The following DOCK2 variants were observed in gnomAD, a reference collection of about 807,000 sequenced individuals.
The protein encoded by DOCK2 is dedicator of cytokinesis protein 2.
In DOCK2, 87 loss-of-function variants were observed where a neutral mutation model predicts 248.9. The observed-to-expected ratio is 0.35, with a 90% CI of 0.29 to 0.42. DOCK2 has a LOEUF of 0.42. Ranked by LOEUF, DOCK2 falls within the 10% of genes least tolerant of loss-of-function variation. DOCK2 has a pLI of 1.00. For missense variants in DOCK2, 1,747 were observed against 2,300.2 expected, an observed-to-expected ratio of 0.76 and a Z score of 4.92; for synonymous variants, 805 against 821.6, an observed-to-expected ratio of 0.98 and a Z score of 0.35.
intron 27 of DOCK2, among the ~76,000 whole-genome samples, chr5:169,890,602 A>G (rs1269860207): frequency 6.6e-6 from 1 of 152,170 alleles, no homozygotes; most frequent in East Asian, 1.9e-4. Flanking sequence ...CTAAATCTAC[A>G]TTCTGTTGTA....
At chr5:170,021,782 C>A (rs1755737779) in intron 33 of DOCK2, among the ~76,000 whole-genome samples, 1 of 152,094 alleles carries the variant, frequency 6.6e-6, no homozygotes, top group Non-Finnish European at 1.5e-5. Flanking sequence ...CCGGCCCAGG[C>A]ATGGTTTTTG....
At chr5:169,816,027 T>A (rs770437042) in intron 26 of DOCK2, among the ~76,000 whole-genome samples, 5 of 152,168 alleles carry the variant, frequency 3.3e-5, no homozygotes, top group Non-Finnish European at 7.3e-5. Flanking sequence ...TTGCATAGTG[T>A]TTGAATTAAA....
At chr5:169,971,573 T>A (rs1004122667) in intron 27 of DOCK2, among the ~76,000 whole-genome samples, 2 of 152,170 alleles carry the variant, frequency 1.3e-5, no homozygotes, top group African/African-American at 4.8e-5. Flanking sequence ...TTTCTCATCA[T>A]GGGGATCAGC....
At chr5:170,068,171 A>C (rs1670963119) in intron 45 of DOCK2, among the ~76,000 whole-genome samples, 1 of 152,244 alleles carries the variant, frequency 6.6e-6, no homozygotes, top group African/African-American at 2.4e-5. Flanking sequence ...CAAGGTCATA[A>C]GGTCCCTCCA....
chr5:169,894,059 G>C (rs942919879), intron 27 of DOCK2, among the ~76,000 whole-genome samples: 15 of 152,182 alleles, frequency 9.9e-5, no homozygotes, highest in African/African-American at 3.6e-4. Context: ...ACTAGTCGTT[G>C]TACTAAAAAC....
intron 22 of DOCK2, 29 bp downstream of exon 22, chr5:169,718,820 A>T: frequency 6.3e-7 from 1 of 1,598,332 alleles, no homozygotes; most frequent in Non-Finnish European, 8.6e-7. Flanking sequence ...AGAGTGATTG[A>T]TTAGCTCTGC....
intron 24 of DOCK2, among the ~76,000 whole-genome samples, chr5:169,760,340 A>G (rs1448769819): frequency 6.6e-6 from 1 of 152,244 alleles, no homozygotes; most frequent in Non-Finnish European, 1.5e-5. Context: ...TTAAATACTT[A>G]TAGATTTAGA....
chr5:170,012,887 C>T (rs1224549168), intron 32 of DOCK2, among the ~76,000 whole-genome samples: 3 of 152,186 alleles, frequency 2.0e-5, no homozygotes, highest in Non-Finnish European at 4.4e-5. Context: ...GCATCTCGGC[C>T]TCCCATGTAG....
intron 27 of DOCK2, among the ~76,000 whole-genome samples, chr5:169,961,050 C>T (rs1777066698): frequency 6.6e-6 from 1 of 152,184 alleles, no homozygotes; most frequent in Non-Finnish European, 1.5e-5. Context: ...TCATGGTAAA[C>T]ACCCCAGTAT....
chr5:170,019,989 G>A lies in DOCK2; in HGVS notation c.3381+881G>A, dbSNP rs192357205. On this transcript the variant is annotated intron_variant, in intron 33 of 51. Transcript: ENST00000520908. ...CCTGCCTTAAAATGGGTACTTAAAAGGCAGCAGATTCCAAACTGCCTTTCC... is the reference window on the plus strand; with the variant it reads ...CCTGCCTTAAAATGGGTACTTAAAAAGCAGCAGATTCCAAACTGCCTTTCC... Among the ~76,000 whole-genome samples the A allele has an allele frequency of 3.3e-3, 501 of 152,170 alleles. 2 individuals are homozygous for A. Among genetic ancestry groups the A allele is most frequent in the Middle Eastern group, 6.8e-3 (2 of 294 alleles).
At chr5:169,718,349 G>T (rs1419512191) in intron 21 of DOCK2, among the ~76,000 whole-genome samples, 3 of 152,228 alleles carry the variant, frequency 2.0e-5, no homozygotes, top group Middle Eastern at 6.8e-3. Context: ...TGAAAAAAAA[G>T]ACATTATTGC....
chr5:169,860,213 G>A (rs1361126977), intron 27 of DOCK2, among the ~76,000 whole-genome samples: 2 of 151,820 alleles, frequency 1.3e-5, no homozygotes, highest in Non-Finnish European at 2.9e-5. Context: ...TCCTACCTTG[G>A]CTTCCCAAAG....
intron 27 of DOCK2, among the ~76,000 whole-genome samples, chr5:169,930,203 G>A (rs920439396): frequency 6.6e-6 from 1 of 152,114 alleles, no homozygotes; most frequent in Admixed American, 6.5e-5. Flanking sequence ...TGTTGGCTAG[G>A]ATGGTCTCAA....
At chr5:169,739,429 G>C (rs1763198528) in intron 22 of DOCK2, among the ~76,000 whole-genome samples, 1 of 152,164 alleles carries the variant, frequency 6.6e-6, no homozygotes, top group African/African-American at 2.4e-5. Flanking sequence ...ACTGTTGTAG[G>C]AAGGAGCTAT....
Position 169,654,406 on chromosome 5 carries a change from T to C in DOCK2, c.47T>C (p.Ile16Thr), listed in dbSNP as rs1259821779. Residue 16 changes from isoleucine to threonine, a missense_variant, in exon 2 of 52, where the codon ATA becomes ACA. This residue lies in a region of DOCK2 where 375 missense variants were observed against 510.9 expected (regional missense o/e 0.73). Transcript: ENST00000520908. Reference sequence around the variant, plus strand: ...TGTCTTTCTTTCTGTTTCACAGCCATATACAACTTCCAAGGCAGCGGAGCC... The same window carrying C: ...TGTCTTTCTTTCTGTTTCACAGCCACATACAACTTCCAAGGCAGCGGAGCC... ...KADKERHGVA[I>T]YNFQGSGAPQ... The C allele has an allele frequency of 1.2e-6, 2 of 1,614,064 alleles. No homozygotes were observed. Among genetic ancestry groups the C allele is most frequent in the Non-Finnish European group, 1.7e-6 (2 of 1,180,032 alleles).
intron 14 of DOCK2, 158 bp downstream of exon 14, chr5:169,702,585 G>T: frequency 9.8e-7 from 1 of 1,023,474 alleles, no homozygotes; most frequent in East Asian, 2.9e-5. Context: ...CTTGGTTAGT[G>T]CAGTGTTCCA....
At chr5:170,001,623 AT>A in intron 30 of DOCK2, among the ~76,000 whole-genome samples, 1 of 152,198 alleles carries the variant, frequency 6.6e-6, no homozygotes, top group South Asian at 2.1e-4. Context: ...TTTAGGGAGG[AT>A]TTAACCAGAA....
At chr5:169,673,216 C>A (rs1759134194) in intron 5 of DOCK2, among the ~76,000 whole-genome samples, 1 of 151,840 alleles carries the variant, frequency 6.6e-6, no homozygotes, top group Non-Finnish European at 1.5e-5. Context: ...TGCAACCAGC[C>A]CCTCATCCTG....
At chr5:170,058,952 A>T (rs1757231060) in intron 44 of DOCK2, among the ~76,000 whole-genome samples, 1 of 152,188 alleles carries the variant, frequency 6.6e-6, no homozygotes, top group Non-Finnish European at 1.5e-5. Flanking sequence ...TGTTTTGAGT[A>T]TGGGCTCAAC....
Sources: allele counts gnomAD v4.1 joint callset (sites outside exome capture counted in the v4.1 genomes callset), GRCh38; gene constraint gnomAD v4.1.1; regional missense constraint gnomAD v4.1.1; transcripts MANE v1.5; gene names NCBI Gene and HGNC (gene_info 2026-07-23, HGNC 2026-07-21).